The following AOAH variants were observed in gnomAD, a reference collection of about 807,000 sequenced individuals.
The protein encoded by AOAH is acyloxyacyl hydrolase, also known as acyloxyacyl hydrolase (neutrophil).
Under a neutral mutation model 92.2 loss-of-function variants are expected in AOAH, and 64 were observed. That is an observed-to-expected ratio of 0.69 (90% CI 0.57 to 0.86). The LOEUF is 0.86. Ranked by LOEUF, AOAH falls within the 40% of genes least tolerant of loss-of-function variation. The pLI is 0.00. For synonymous variants in AOAH, 263 were observed against 254.5 expected, an observed-to-expected ratio of 1.03 and a Z score of -0.32; for missense variants, 656 against 694.6, an observed-to-expected ratio of 0.94 and a Z score of 0.62.
In AOAH at chr7:36,584,990, G is replaced by T. The variant is rs976622418; in HGVS notation, c.939-8334C>A. Among the ~76,000 whole-genome samples the T allele has an allele frequency of 3.9e-5, 6 of 152,152 alleles. No homozygotes were observed. The South Asian group carries it at 6.2e-4, about 16-fold the overall frequency. ...GAAGTCACCTGATTCCCATACTCAG[G>T]ATGCTCAGAGTCTGGGCATGGGAAG... On this transcript the variant is annotated intron_variant, in intron 12 of 20. Transcript: ENST00000617537.
chr7:36,708,425 T>C lies in AOAH; in HGVS notation c.127+15597A>G, dbSNP rs1260253744. ...TAATTTTATATCTCTATTGAAATTT[T>C]TTCTATTTGCTGAACATTGAACACT... On this transcript the variant is annotated intron_variant, in intron 1 of 20. Transcript: ENST00000617537. 3.9e-5 allele frequency among the ~76,000 whole-genome samples: 6 copies of C among 152,270 alleles called. No homozygotes were observed. In the South Asian group the frequency reaches 1.0e-3, roughly 26 times the overall value.
intron 11 of AOAH, among the ~76,000 whole-genome samples, chr7:36,607,443 T>C (rs184321237): frequency 6.6e-6 from 1 of 152,302 alleles, no homozygotes; most frequent in East Asian, 1.9e-4. Flanking sequence ...CTGCTGGTGT[T>C]TGAGGTCTTT....
At chr7:36,683,946 A>G (rs1443338740) in intron 2 of AOAH, among the ~76,000 whole-genome samples, 2 of 151,986 alleles carry the variant, frequency 1.3e-5, no homozygotes, top group Admixed American at 6.6e-5. Flanking sequence ...GTGAGCCAAG[A>G]TGGAGCCACT....
chr7:36,637,722 C>A, intron 5 of AOAH, 129 bp downstream of exon 5: 1 of 794,138 alleles, frequency 1.3e-6, no homozygotes, highest in South Asian at 1.7e-5. Flanking sequence ...CTACTTCCAT[C>A]CCCACGTAGC....
At chr7:36,515,535 T>C (rs1414368213) in intron 20 of AOAH, among the ~76,000 whole-genome samples, 91 of 7,540 alleles carry the variant, frequency 0.012, no homozygotes, top group Non-Finnish European at 0.015. Flanking sequence ...CACCACACCC[T>C]TCACAACCCC....
chr7:36,639,942 T>C (rs2116334711), intron 4 of AOAH, among the ~76,000 whole-genome samples: 1 of 152,272 alleles, frequency 6.6e-6, no homozygotes, highest in African/African-American at 2.4e-5. Context: ...CAAGCTCGGT[T>C]CTCTGGGGCT....
At chr7:36,576,011 T>C (rs1788471465) in intron 13 of AOAH, among the ~76,000 whole-genome samples, 1 of 152,214 alleles carries the variant, frequency 6.6e-6, no homozygotes, top group Non-Finnish European at 1.5e-5. Context: ...CTGTTTACCA[T>C]CTCTGCATTA....
chr7:36,631,070 G>T (rs1793042956), intron 6 of AOAH, among the ~76,000 whole-genome samples: 1 of 152,232 alleles, frequency 6.6e-6, no homozygotes, highest in South Asian at 2.1e-4. Context: ...AATGGGATGG[G>T]CTTGGTGGCT....
intron 9 of AOAH, 135 bp downstream of exon 9, chr7:36,620,646 C>A (rs1792212541): frequency 3.9e-6 from 3 of 764,298 alleles, no homozygotes; most frequent in Non-Finnish European, 6.5e-6. Context: ...CTATACCCCT[C>A]TTCTAAGCAG....
rs1215164495 is a variant in AOAH at position 36,516,746 on chromosome 7, C to A, written c.1600-3366G>T. Reference sequence around the variant, plus strand: ...TGTGTTATTGGCTTTCAACTTGATACACCTAAGCTCTTTCTAACAATTATG... The same window carrying A: ...TGTGTTATTGGCTTTCAACTTGATAAACCTAAGCTCTTTCTAACAATTATG... On this transcript the variant is annotated intron_variant, in intron 20 of 20. Coordinates refer to ENST00000617537, the MANE Select transcript of AOAH (RefSeq NM_001637.4). This position sits in a 1 kb window ranked among gnomAD's most constrained non-coding sequence, Gnocchi z 5.0. 6.6e-6 allele frequency among the ~76,000 whole-genome samples: 1 copy of A among 152,178 alleles called. No individual in the cohort carries two copies. The highest frequency in any genetic ancestry group is 1.5e-5 in the Non-Finnish European group (1 of 68,042).
At chr7:36,683,199 T>C (rs182430586) in intron 2 of AOAH, among the ~76,000 whole-genome samples, 3 of 152,344 alleles carry the variant, frequency 2.0e-5, no homozygotes, top group East Asian at 1.9e-4. Context: ...GAGTTTTATA[T>C]ACAGAAAAGC....
At chr7:36,612,213 G>A (rs1274656202) in intron 11 of AOAH, among the ~76,000 whole-genome samples, 1 of 152,154 alleles carries the variant, frequency 6.6e-6, no homozygotes, top group East Asian at 1.9e-4. Flanking sequence ...TCCAAAGATA[G>A]CCAGTGGTAG....
At chr7:36,569,663 T>C (rs1787988651) in intron 13 of AOAH, among the ~76,000 whole-genome samples, 1 of 151,938 alleles carries the variant, frequency 6.6e-6, no homozygotes, top group Non-Finnish European at 1.5e-5. Flanking sequence ...CAGGCCAGAG[T>C]GCAATGGCAT....
chr7:36,570,920 G>A (rs1005308820), intron 13 of AOAH, among the ~76,000 whole-genome samples: 1 of 152,164 alleles, frequency 6.6e-6, no homozygotes, highest in African/African-American at 2.4e-5. Context: ...CGAAGCAGAG[G>A]CTGAGCTAAT....
chr7:36,639,146 T>G (rs1793723311), intron 4 of AOAH, among the ~76,000 whole-genome samples: 1 of 152,258 alleles, frequency 6.6e-6, no homozygotes, highest in Non-Finnish European at 1.5e-5. Flanking sequence ...GCTTAGAGAA[T>G]GACCCCATTC....
intron 4 of AOAH, among the ~76,000 whole-genome samples, chr7:36,645,699 C>A (rs923009635): frequency 1.3e-5 from 2 of 151,872 alleles, no homozygotes; most frequent in African/African-American, 2.4e-5. Flanking sequence ...TAGGTTCTGA[C>A]ACTTTCCAGC....
chr7:36,648,592 A>C (rs1292392917), intron 4 of AOAH, among the ~76,000 whole-genome samples: 1 of 151,422 alleles, frequency 6.6e-6, no homozygotes, highest in East Asian at 1.9e-4. Context: ...TTTCAATCAC[A>C]AATTACAAAT....
At chr7:36,577,124 C>T (rs571361215) in intron 12 of AOAH, among the ~76,000 whole-genome samples, 1 of 150,670 alleles carries the variant, frequency 6.6e-6, no homozygotes, top group South Asian at 2.1e-4. Context: ...ATTTTTGCTA[C>T]AATAGAATTT....
At chr7:36,603,018 G>A (rs577742972) in intron 11 of AOAH, among the ~76,000 whole-genome samples, 4 of 152,112 alleles carry the variant, frequency 2.6e-5, no homozygotes, top group Non-Finnish European at 4.4e-5. Context: ...CTCTGGCCAG[G>A]GGCCCTGCTT....
Sources: gnomAD v4.1 joint callset for allele counts (sites outside exome capture counted in the v4.1 genomes callset) on GRCh38, gnomAD v4.1.1 for gene constraint, Gnocchi (gnomAD v3.1) non-coding constraint, MANE v1.5 for transcripts, NCBI Gene and HGNC (gene_info 2026-07-23, HGNC 2026-07-21) for gene names.